The following MED27 variants were observed in gnomAD, a reference collection of about 807,000 sequenced individuals.
The protein encoded by MED27 is mediator of RNA polymerase II transcription subunit 27.
Under a neutral mutation model 38.2 loss-of-function variants are expected in MED27, and 30 were observed. The ratio of observed to expected loss-of-function variants is 0.79; its 90% CI spans 0.59 to 1.07. The LOEUF (loss-of-function observed/expected upper bound fraction) is 1.07, where lower values mean the gene tolerates loss of function less well. Ranked by LOEUF, MED27 falls within the 50% of genes least tolerant of loss-of-function variation. MED27 has a pLI of 0.00. For synonymous variants in MED27, 122 were observed against 153.5 expected (o/e 0.79, Z 1.52); for missense variants, 289 against 397.5 (o/e 0.73, Z 2.32).
At chr9:131,863,488 G>A (rs530398646) in intron 6 of MED27, among the ~76,000 whole-genome samples, 4 of 152,312 alleles carry the variant, frequency 2.6e-5, no homozygotes, top group Non-Finnish European at 4.4e-5. Context: ...TCAGCAAGGC[G>A]CGGCACACAC....
intron 3 of MED27, among the ~76,000 whole-genome samples, chr9:131,962,631 G>C (rs1424393514): frequency 6.6e-6 from 1 of 151,790 alleles, no homozygotes; most frequent in Non-Finnish European, 1.5e-5. Flanking sequence ...ACATGTAATC[G>C]AAATTATCCC....
chr9:131,887,534 G>A (rs1162495807), intron 5 of MED27, among the ~76,000 whole-genome samples: 1 of 152,182 alleles, frequency 6.6e-6, no homozygotes, highest in African/African-American at 2.4e-5. Flanking sequence ...GCATTCTGGA[G>A]TCAATGCCCT....
At chr9:132,063,427 G>A (rs1213772657) in intron 2 of MED27, among the ~76,000 whole-genome samples, 3 of 152,164 alleles carry the variant, frequency 2.0e-5, no homozygotes, top group East Asian at 1.9e-4. Context: ...AAATTACCAC[G>A]TTCTGGCTTT....
intron 3 of MED27, among the ~76,000 whole-genome samples, chr9:132,005,455 G>T (rs1429418042): frequency 6.6e-6 from 1 of 152,148 alleles, no homozygotes; most frequent in African/African-American, 2.4e-5. Context: ...ACCACGAAGG[G>T]TTTCTTTCTG....
At chr9:131,909,474 C>A (rs1830148727) in intron 4 of MED27, among the ~76,000 whole-genome samples, 1 of 152,222 alleles carries the variant, frequency 6.6e-6, no homozygotes, top group Non-Finnish European at 1.5e-5. Flanking sequence ...GGCCCCTGGA[C>A]TTAAACAGGA....
Position 131,941,817 on chromosome 9 carries a change from A to ATTTTT in MED27, c.480-2348_480-2344dup, listed in dbSNP as rs766438800. 1.8e-3 allele frequency among the ~76,000 whole-genome samples: 151 copies of ATTTTT among 82,500 alleles called. 18 individuals carry two copies. Among genetic ancestry groups the ATTTTT allele is most frequent in the African/African-American group, 7.3e-3 (139 of 19,096 alleles). 54.1% of individuals were successfully genotyped at this position (82,500 alleles called of 152,430 possible). On this transcript the variant is annotated intron_variant, in intron 3 of 7. Coordinates refer to ENST00000292035, the MANE Select transcript of MED27 (RefSeq NM_004269.4). Reference sequence around the variant, plus strand: ...TAAAGGCAAAGCCCCATTCTGCTGAATTTTTTTTTTTTTTTTTTTTTTTTT... The same window carrying ATTTTT: ...TAAAGGCAAAGCCCCATTCTGCTGAATTTTTTTTTTTTTTTTTTTTTTTTTTTTTT...
intron 2 of MED27, among the ~76,000 whole-genome samples, chr9:132,056,213 T>C (rs1833573332): frequency 6.6e-6 from 1 of 152,212 alleles, no homozygotes; most frequent in African/African-American, 2.4e-5. Context: ...ATACTAGCAT[T>C]TTTTATACCT....
intron 2 of MED27, among the ~76,000 whole-genome samples, chr9:132,031,191 G>C (rs1191434785): frequency 6.6e-6 from 1 of 152,216 alleles, no homozygotes; most frequent in Non-Finnish European, 1.5e-5. Flanking sequence ...CTCTGGAGAG[G>C]CTGTCCTAGA....
At chr9:131,926,234 C>T (rs1386626859) in intron 4 of MED27, among the ~76,000 whole-genome samples, 1 of 152,252 alleles carries the variant, frequency 6.6e-6, no homozygotes, top group Non-Finnish European at 1.5e-5. Flanking sequence ...GTGCCTAGAA[C>T]TATGCCTTTA....
chr9:131,934,914 A>G (rs545766971), intron 4 of MED27, among the ~76,000 whole-genome samples: 2 of 152,326 alleles, frequency 1.3e-5, no homozygotes, highest in African/African-American at 2.4e-5. Context: ...CTGCAACAAC[A>G]TGGGTGGAAA....
At chr9:131,915,630 A>G (rs1443894953) in intron 4 of MED27, among the ~76,000 whole-genome samples, 1 of 152,246 alleles carries the variant, frequency 6.6e-6, no homozygotes, top group Non-Finnish European at 1.5e-5. Flanking sequence ...CAAGGCCTAC[A>G]ACATTTCATG....
chr9:132,046,693 AGAGCCTAAAATGTT>A (rs1225354171), intron 2 of MED27, among the ~76,000 whole-genome samples: 1 of 152,206 alleles, frequency 6.6e-6, no homozygotes, highest in Non-Finnish European at 1.5e-5. Context: ...GGAACCCAGA[AGAGCCTAAAATGTT>A]GAGGGTAGAG....
intron 3 of MED27, among the ~76,000 whole-genome samples, chr9:131,995,194 G>C (rs1355703563): frequency 6.6e-6 from 1 of 152,100 alleles, no homozygotes; most frequent in East Asian, 1.9e-4. Context: ...ATGGGGAGGG[G>C]ACACGAAGGG....
intron 2 of MED27, among the ~76,000 whole-genome samples, chr9:132,024,095 T>C (rs866622207): frequency 6.6e-6 from 1 of 152,176 alleles, no homozygotes; most frequent in Non-Finnish European, 1.5e-5. Flanking sequence ...AGCCTTGCAG[T>C]GAGATGGCCC....
At chr9:132,047,731 A>T (rs1833374121) in intron 2 of MED27, among the ~76,000 whole-genome samples, 1 of 152,222 alleles carries the variant, frequency 6.6e-6, no homozygotes, top group Non-Finnish European at 1.5e-5. Context: ...AATATTATAC[A>T]GTTTTTAAAA....
At chr9:131,886,498 T>C (rs1042858614) in intron 5 of MED27, among the ~76,000 whole-genome samples, 2 of 152,154 alleles carry the variant, frequency 1.3e-5, no homozygotes, top group Non-Finnish European at 2.9e-5. Flanking sequence ...TCATCCTCCT[T>C]CTACTCTGGC....
At chr9:132,052,511 C>T (rs576557213) in intron 2 of MED27, among the ~76,000 whole-genome samples, 7 of 152,272 alleles carry the variant, frequency 4.6e-5, no homozygotes, top group Admixed American at 4.6e-4. Context: ...AACACAGGTG[C>T]AGTGAGAGTT....
At chr9:132,077,360 C>T in intron 2 of MED27, 82 bp downstream of exon 2, 3 of 1,342,410 alleles carry the variant, frequency 2.2e-6, no homozygotes, top group Non-Finnish European at 3.1e-6. Flanking sequence ...GCAATAAAAA[C>T]ATACTCTTGC....
At position 132,077,571 on chromosome 9, in the gene MED27, C is replaced by T. The variant is rs1400296653; in HGVS notation, c.219G>A (p.Leu73=). 7 of 1,614,150 alleles carry T rather than the reference C, an allele frequency of 4.3e-6. No homozygotes were observed. In the Admixed American group the frequency reaches 1.2e-4, roughly 27 times the overall value. ...VNRDLNELER[L]SNLVGKPSEN... is the part of the protein sequence containing the mutation. Reference sequence around the variant, plus strand: ...CAGATGGCTTGCCTACCAGATTGCTCAGACGTTCCAGCTCACTGAAAAGCA... The same window carrying T: ...CAGATGGCTTGCCTACCAGATTGCTTAGACGTTCCAGCTCACTGAAAAGCA... Residue 73 remains leucine, a synonymous_variant, in exon 2 of 8, where the codon CTG becomes CTA. Transcript: ENST00000292035.
Sources: gnomAD v4.1 joint callset for allele counts (sites outside exome capture counted in the v4.1 genomes callset) on GRCh38, gnomAD v4.1.1 for gene constraint, MANE v1.5 for transcripts, NCBI Gene and HGNC (gene_info 2026-07-23, HGNC 2026-07-21) for gene names.